Variants in TERT observed in about 807,000 individuals in gnomAD.
TERT encodes the protein telomerase catalytic subunit.
In TERT, 42 loss-of-function variants were observed where a neutral mutation model predicts 104.0. The ratio of observed to expected loss-of-function variants is 0.40; its 90% CI spans 0.32 to 0.52. TERT has a LOEUF of 0.52. Among genes scored for constraint, TERT ranks in the 20% least tolerant of loss-of-function variants. TERT has a pLI of 0.43. For synonymous variants in TERT, 781 were observed against 725.6 expected (o/e 1.08, Z -1.23); for missense variants, 1,101 against 1,610.3 (o/e 0.68, Z 5.41).
At chr5:1,264,719 G>T in intron 10 of TERT, 127 bp from the exon 11 acceptor site, 2 of 1,159,882 alleles carry the variant, frequency 1.7e-6, no homozygotes, top group Non-Finnish European at 2.5e-6. Context: ...GCTGGGCCTG[G>T]CAGGAGCTCT....
chr5:1,270,105 T>G lies in TERT; in HGVS notation c.2468+1014A>C, dbSNP rs183231968. On this transcript the variant is annotated intron_variant, in intron 8 of 15. Transcript: ENST00000310581. This position sits in a 1 kb window ranked among gnomAD's most constrained non-coding sequence, Gnocchi z 8.3. The stretch of plus-strand genomic sequence containing the variant: ...TGGGCCTGGGGGCCGCTTACACACA[T>G]GTGCACACGTGTCCCTCGGCCAAAA... Among the ~76,000 whole-genome samples the G allele has an allele frequency of 1.4e-3, 215 of 152,298 alleles. No homozygotes were observed. Among genetic ancestry groups the G allele is most frequent in the Non-Finnish European group, 2.3e-3 (159 of 68,002 alleles).
At position 1,261,850 on chromosome 5, in the gene TERT, C is replaced by T. The variant is rs1748253618; in HGVS notation, c.2844-1250G>A. Among the ~76,000 whole-genome samples, 1 of 152,212 alleles carries T rather than the reference C, an allele frequency of 6.6e-6. No homozygotes were observed. The highest frequency in any genetic ancestry group is 1.5e-5 in the Non-Finnish European group (1 of 68,034). ...AGGCTGCAATCATGCATGCCCTTTG[C>T]CAGCTGGGTGACCAAGGGCGGCTGC... is the stretch of plus-strand genomic sequence containing the variant. On this transcript the variant is annotated intron_variant, in intron 11 of 15. Transcript: ENST00000310581. This position sits in a 1 kb window ranked among gnomAD's most constrained non-coding sequence, Gnocchi z 7.4.
intron 14 of TERT, 123 bp from the exon 15 acceptor site, chr5:1,254,628 A>G: frequency 8.9e-7 from 1 of 1,122,080 alleles, no homozygotes; most frequent in Non-Finnish European, 1.3e-6. Context: ...TCCCGACCCA[A>G]GCACCGCAGG....
rs35459373 is a variant in TERT at position 1,293,455 on chromosome 5, G to A, written c.1431C>T (p.Leu477=). 12 of 1,610,306 alleles carry A rather than the reference G, an allele frequency of 7.5e-6. No homozygotes were observed. Among genetic ancestry groups the A allele is most frequent in the South Asian group, 1.1e-5 (1 of 90,712 alleles). Residue 477 remains leucine, a synonymous_variant, in exon 2 of 16, where the codon CTC becomes CTT. Coordinates refer to ENST00000310581, the MANE Select transcript of TERT (RefSeq NM_198253.3). ...GGCGTTCGTTGTGCCTGGAGCCCCA[G>A]AGGCCTGGGGGCACCAGCCGGCGCA... ...ACLRRLVPPG[L]WGSRHNERRF...
Position 1,272,224 on chromosome 5 carries a change from C to T in TERT, c.2343G>A (p.Gln781=), listed in dbSNP as rs758894591. 3 of 1,612,758 alleles carry T rather than the reference C, an allele frequency of 1.9e-6. No homozygotes were observed. Residue 781 remains glutamine (Q), a synonymous_variant, in exon 7 of 16, where the codon CAG becomes CAA. Coordinates refer to ENST00000310581, the MANE Select transcript of TERT (RefSeq NM_198253.3). ...PYMRQFVAHL[Q]ETSPLRDAVV... ...CGGCATCCCTCAGCGGGCTGGTCTC[C>T]TGCAGGTGAGCCACGAACTGTCGCA... is the stretch of plus-strand genomic sequence containing the variant.
Position 1,257,029 on chromosome 5 carries a change from C to T in TERT, c.3032+1569G>A, listed in dbSNP as rs1271466837. 1.3e-5 allele frequency among the ~76,000 whole-genome samples: 2 copies of T among 152,150 alleles called. No individual in the cohort carries two copies. The highest frequency in any genetic ancestry group is 4.8e-5 in the African/African-American group (2 of 41,454). On this transcript the variant is annotated intron_variant, in intron 13 of 15. Transcript: ENST00000310581. The surrounding 1 kb of genome is among the most constrained non-coding windows in gnomAD (Gnocchi z 5.6). Reference sequence around the variant, plus strand: ...CCAGCTCTCCGTTCTCCCACTCCTGCCTCGAGGGAAGGGGATTCCTGGGCC... The same window carrying T: ...CCAGCTCTCCGTTCTCCCACTCCTGTCTCGAGGGAAGGGGATTCCTGGGCC...
intron 2 of TERT, among the ~76,000 whole-genome samples, chr5:1,289,393 C>A (rs1750719109): frequency 1.4e-5 from 2 of 141,346 alleles, no homozygotes; most frequent in Admixed American, 1.4e-4. Context: ...CTCACTCACC[C>A]TGCACGTGAC....
At chr5:1,264,030 C>T (rs1400548130) in intron 11 of TERT, among the ~76,000 whole-genome samples, 1 of 136,962 alleles carries the variant, frequency 7.3e-6, no homozygotes, top group Non-Finnish European at 1.5e-5. Context: ...CCCAGGGTCT[C>T]GGGTTCAGAG....
intron 6 of TERT, among the ~76,000 whole-genome samples, chr5:1,275,409 AAAGC>A (rs1341886997): frequency 3.4e-4 from 50 of 148,806 alleles, no homozygotes; most frequent in Admixed American, 4.6e-4. Context: ...AAAAAGAAAG[AAAGC>A]AAGCCTCCAA....
chr5:1,253,444 G>T lies in TERT; in HGVS notation c.*284C>A, dbSNP rs1045717531. 3.6e-6 allele frequency: 2 copies of T among 560,096 alleles called. No individual in the cohort carries two copies. The highest frequency in any genetic ancestry group is 6.4e-6 in the Non-Finnish European group (2 of 311,262). 34.7% of individuals were successfully genotyped at this position (560,096 alleles called of 1,614,324 possible). ...GTGGGGAGTGGAAGCCGGGCTCCTG[G>T]TGAGGAAAAGCTGGCCCTGGGGTGG... is the stretch of plus-strand genomic sequence containing the variant. On this transcript the variant is annotated 3_prime_UTR_variant, in exon 16 of 16. Transcript: ENST00000310581.
chr5:1,256,410 C>T lies in TERT; in HGVS notation c.3033-999G>A, dbSNP rs1211754484. Among the ~76,000 whole-genome samples the T allele has an allele frequency of 6.6e-6, 1 of 151,886 alleles. No homozygotes were observed. Among genetic ancestry groups the T allele is most frequent in the African/African-American group, 2.4e-5 (1 of 41,242 alleles). Reference sequence around the variant, plus strand: ...GAAACAGCACATGTGCACATGTGCTCATATGTGCGTGTGATCAGAGCCCCC... The same window carrying T: ...GAAACAGCACATGTGCACATGTGCTTATATGTGCGTGTGATCAGAGCCCCC... On this transcript the variant is annotated intron_variant, in intron 13 of 15. Coordinates refer to ENST00000310581, the MANE Select transcript of TERT (RefSeq NM_198253.3). This position sits in a 1 kb window ranked among gnomAD's most constrained non-coding sequence, Gnocchi z 7.0.
At chr5:1,283,049 C>A (rs527280539) in intron 2 of TERT, 1 of 349,154 alleles carries the variant, frequency 2.9e-6, no homozygotes, top group South Asian at 2.2e-5. Context: ...GGCGACCTCA[C>A]GCCAGACCTG....
intron 6 of TERT, among the ~76,000 whole-genome samples, chr5:1,278,242 C>T (rs1352950214): frequency 6.6e-6 from 1 of 152,186 alleles, no homozygotes; most frequent in Non-Finnish European, 1.5e-5. Context: ...ATGGTGCGGA[C>T]CATGCCTGGA....
At position 1,282,561 on chromosome 5, in the gene TERT, T is replaced by C. The variant is rs2126649799; in HGVS notation, c.1637A>G (p.His546Arg). The C allele has an allele frequency of 8.1e-6, 13 of 1,614,120 alleles. No homozygotes were observed. The highest frequency in any genetic ancestry group is 1.1e-5 in the Non-Finnish European group (13 of 1,180,032). ...LREEILAKFL[H>R]WLMSVYVVEL... Reference sequence around the variant, plus strand: ...GACGACGTACACACTCATCAGCCAGTGCAGGAACTTGGCCAGGATCTCCTC... The same window carrying C: ...GACGACGTACACACTCATCAGCCAGCGCAGGAACTTGGCCAGGATCTCCTC... The change falls in exon 3 of 16, where the codon CAC becomes CGC. Residue 546 changes from histidine (H) to arginine (R), a missense_variant. Physicochemically the swap from His to Arg is conservative, Grantham distance 29 (BLOSUM62 0). Around this residue, in one of 5 missense-constraint regions of TERT, gnomAD observed 504 missense variants for 544.6 expected, o/e 0.93. Coordinates refer to ENST00000310581, the MANE Select transcript of TERT (RefSeq NM_198253.3).
Position 1,273,939 on chromosome 5 carries a change from G to A in TERT, c.2287-1659C>T, listed in dbSNP as rs1177819392. On this transcript the variant is annotated intron_variant, in intron 6 of 15. Transcript: ENST00000310581. ...GCAGGTGCAGCCACAGCACAGGCAG[G>A]AGAAGAGTCTGAAGACGCGGGAGAG... is the stretch of plus-strand genomic sequence containing the variant. 2.6e-5 allele frequency among the ~76,000 whole-genome samples: 4 copies of A among 152,108 alleles called. No homozygotes were observed. In the East Asian group the frequency reaches 7.7e-4, roughly 29 times the overall value.
Position 1,292,158 on chromosome 5 carries a change from C to T in TERT, c.1573+1155G>A, listed in dbSNP as rs1425825022. On this transcript the variant is annotated intron_variant, in intron 2 of 15. Coordinates refer to ENST00000310581, the MANE Select transcript of TERT (RefSeq NM_198253.3). The surrounding 1 kb of genome is among the most constrained non-coding windows in gnomAD (Gnocchi z 5.5). ...AGAAAAAAAAGAGCCCCAAGAAGGT[C>T]ACCCTCCTTGTCTGCATGGCCGGAA... Among the ~76,000 whole-genome samples, 2 of 152,202 alleles carry T rather than the reference C, an allele frequency of 1.3e-5. No homozygotes were observed. The highest frequency in any genetic ancestry group is 2.1e-4 in the South Asian group (1 of 4,828).
At position 1,262,201 on chromosome 5, in the gene TERT, C is replaced by T. The variant is rs1748279838; in HGVS notation, c.2844-1601G>A. On this transcript the variant is annotated intron_variant, in intron 11 of 15. Coordinates refer to ENST00000310581, the MANE Select transcript of TERT (RefSeq NM_198253.3). This position sits in a 1 kb window ranked among gnomAD's most constrained non-coding sequence, Gnocchi z 5.6. ...TCTCCTCTTCTACCTAGAATCTGCTCTGGTATATGCTGTAAAGACACAACT... is the reference window on the plus strand; with the variant it reads ...TCTCCTCTTCTACCTAGAATCTGCTTTGGTATATGCTGTAAAGACACAACT... 6.6e-6 allele frequency among the ~76,000 whole-genome samples: 1 copy of T among 152,198 alleles called. No individual in the cohort carries two copies. Among genetic ancestry groups the T allele is most frequent in the African/African-American group, 2.4e-5 (1 of 41,446 alleles).
intron 12 of TERT, among the ~76,000 whole-genome samples, chr5:1,259,075 T>C (rs1747975461): frequency 1.7e-5 from 2 of 115,300 alleles, no homozygotes; most frequent in East Asian, 2.8e-4. Context: ...GGAGTGGATG[T>C]AAATGCCCAC....
Position 1,254,514 on chromosome 5 carries a change from A to G in TERT, c.3158-9T>C, listed in dbSNP as rs1208337438. On this transcript the variant is annotated splice_polypyrimidine_tract_variant and intron_variant, in intron 14 of 15. Coordinates refer to ENST00000310581, the MANE Select transcript of TERT (RefSeq NM_198253.3). ...GGCCCCCAGCGACATCCCTGGGGGA[A>G]AACAGAGGCTGAGGAGTCACAGGCC... The G allele has an allele frequency of 6.2e-7, 1 of 1,609,510 alleles. No homozygotes were observed. The highest frequency in any genetic ancestry group is 8.5e-7 in the Non-Finnish European group (1 of 1,178,928).
Sources: gnomAD v4.1 joint callset for allele counts (sites outside exome capture counted in the v4.1 genomes callset) on GRCh38, gnomAD v4.1.1 for gene constraint, gnomAD v4.1.1 regional missense constraint, Gnocchi (gnomAD v3.1) non-coding constraint, MANE v1.5 for transcripts, NCBI Gene and HGNC (gene_info 2026-07-23, HGNC 2026-07-21) for gene names.